Variants in EVC observed in about 807,000 individuals in gnomAD.
EVC encodes the protein EvC ciliary complex subunit 1, also known as evC complex member EVC.
EVC carries 116 observed loss-of-function variants against 118.9 expected under a neutral mutation model. The observed-to-expected ratio is 0.98, with a 90% CI of 0.84 to 1.14. The LOEUF (loss-of-function observed/expected upper bound fraction) is 1.14. EVC is among the 50% of genes most tolerant of loss of function. The pLI, the probability that EVC is intolerant of heterozygous loss-of-function variation, is 0.00. For missense variants in EVC, 1,401 were observed against 1,246.4 expected, an observed-to-expected ratio of 1.12 and a Z score of -1.87; for synonymous variants, 619 against 534.7, an observed-to-expected ratio of 1.16 and a Z score of -2.18.
In EVC at chr4:5,746,642, C is replaced by T. The variant is rs1428554804; in HGVS notation, c.939+1301C>T. ...GGATTCCGGTGGTCCACAGAACCCC[C>T]AACGCTGTGTGCAGTATCTTGTCCA... On this transcript the variant is annotated intron_variant, in intron 7 of 20. Coordinates refer to ENST00000264956, the MANE Select transcript of EVC (RefSeq NM_153717.3). The surrounding 1 kb of genome is among the most constrained non-coding windows in gnomAD (Gnocchi z 5.8). Among the ~76,000 whole-genome samples, 1 of 152,066 alleles carries T rather than the reference C, an allele frequency of 6.6e-6. No individual in the cohort carries two copies. Among genetic ancestry groups the T allele is most frequent in the Non-Finnish European group, 1.5e-5 (1 of 68,022 alleles).
At chr4:5,792,196 A>C (rs994023343) in intron 12 of EVC, among the ~76,000 whole-genome samples, 3 of 152,232 alleles carry the variant, frequency 2.0e-5, no homozygotes, top group Non-Finnish European at 2.9e-5. Flanking sequence ...CCCATTAGTC[A>C]CAATAAATAC....
chr4:5,733,703 C>A (rs750571823), intron 5 of EVC, among the ~76,000 whole-genome samples: 1 of 152,104 alleles, frequency 6.6e-6, no homozygotes, highest in African/African-American at 2.4e-5. Flanking sequence ...GGCTACACCT[C>A]CTGCTGGAGA....
At chr4:5,775,085 T>G (rs1424492478) in intron 11 of EVC, among the ~76,000 whole-genome samples, 1 of 152,098 alleles carries the variant, frequency 6.6e-6, no homozygotes, top group African/African-American at 2.4e-5. Flanking sequence ...ATTTGACCAT[T>G]GTGAACAATA....
intron 11 of EVC, among the ~76,000 whole-genome samples, chr4:5,779,955 T>A (rs1365428997): frequency 2.0e-5 from 3 of 151,670 alleles, no homozygotes; most frequent in African/African-American, 7.3e-5. Flanking sequence ...TTTTGCCCAT[T>A]CAGTGTGATA....
intron 5 of EVC, among the ~76,000 whole-genome samples, chr4:5,734,003 T>C (rs867173144): frequency 6.6e-6 from 1 of 152,102 alleles, no homozygotes. Flanking sequence ...TTCTCTTGAC[T>C]GAATGAACAA....
intron 15 of EVC, among the ~76,000 whole-genome samples, chr4:5,800,970 G>A (rs1714862585): frequency 6.6e-6 from 1 of 152,214 alleles, no homozygotes; most frequent in South Asian, 2.1e-4. Context: ...CCGAAATGGG[G>A]ATGAGCTTTT....
intron 2 of EVC, among the ~76,000 whole-genome samples, chr4:5,724,513 G>C (rs1018995574): frequency 3.3e-5 from 5 of 152,178 alleles, no homozygotes; most frequent in Non-Finnish European, 5.9e-5. Context: ...AGCTAAAGAG[G>C]GCGGACCTGG....
Position 5,742,039 on chromosome 4 carries a change from TCTACTACTCAAAGAC to T in EVC, c.801+226_801+240del, listed in dbSNP as rs1728674019. ...AGCAAAGAGAATAATATTGGTCATA[TCTACTACTCAAAGAC>T]GGTCACTGTTAATGTTTTTTTCTGC... is the stretch of plus-strand genomic sequence containing the variant. On this transcript the variant is annotated intron_variant, in intron 6 of 20. Transcript: ENST00000264956. The surrounding 1 kb of genome is among the most constrained non-coding windows in gnomAD (Gnocchi z 5.2). 6.6e-6 allele frequency among the ~76,000 whole-genome samples: 1 copy of T among 151,754 alleles called. No individual in the cohort carries two copies. Among genetic ancestry groups the T allele is most frequent in the Non-Finnish European group, 1.5e-5 (1 of 67,956 alleles).
At chr4:5,747,878 C>T (rs573586212) in intron 7 of EVC, among the ~76,000 whole-genome samples, 35 of 152,286 alleles carry the variant, frequency 2.3e-4, no homozygotes, top group Non-Finnish European at 4.3e-4. Context: ...GTAGGCTGGA[C>T]AAGCTACTGC....
chr4:5,813,369 ATC>A lies in EVC; in HGVS notation c.*2334_*2335del, dbSNP rs1717209244. The stretch of plus-strand genomic sequence containing the variant: ...GACGTGTGCCACCACGCCTGGCTAA[ATC>A]TTTTTTGTATTTTATTTTAGTAGAG... On this transcript the variant is annotated 3_prime_UTR_variant, in exon 21 of 21. Transcript: ENST00000264956. 6.6e-6 allele frequency: 1 copy of A among 151,930 alleles called. No individual in the cohort carries two copies. The highest frequency in any genetic ancestry group is 1.5e-5 in the Non-Finnish European group (1 of 68,004). The allele number at this position is 151,930 out of a possible 1,614,324, so 9.4% of individuals were successfully genotyped here. A position where few individuals can be genotyped will look rare whatever the true frequency, so the allele number is the denominator to read the frequency against.
At chr4:5,792,274 C>A (rs748931351) in intron 12 of EVC, among the ~76,000 whole-genome samples, 1 of 152,178 alleles carries the variant, frequency 6.6e-6, no homozygotes, top group Non-Finnish European at 1.5e-5. Flanking sequence ...ACAGGAGACA[C>A]AGCTAGATCA....
chr4:5,757,407 C>T (rs949318009), intron 11 of EVC, among the ~76,000 whole-genome samples: 2 of 152,166 alleles, frequency 1.3e-5, no homozygotes, highest in Non-Finnish European at 2.9e-5. Flanking sequence ...ACTCCTCACC[C>T]GGATGGGAGC....
At chr4:5,740,456 C>CT (rs1728349024) in intron 5 of EVC, among the ~76,000 whole-genome samples, 1 of 137,838 alleles carries the variant, frequency 7.3e-6, no homozygotes, top group South Asian at 2.3e-4. Context: ...GGACGACAGA[C>CT]TGATACTCCA....
chr4:5,802,642 C>CAGATA (rs2152364378), intron 16 of EVC, among the ~76,000 whole-genome samples: 1 of 152,304 alleles, frequency 6.6e-6, no homozygotes, highest in East Asian at 1.9e-4. Context: ...GGCACATCAT[C>CAGATA]AGGCATTAGA....
Position 5,733,367 on chromosome 4 carries a change from T to C in EVC, c.634T>C (p.Cys212Arg). ...ATTTTGCAGTGTAGACGTTGACCTGTGTATCTACAGCCTTCACTTAAAAGA... is the reference window on the plus strand; with the variant it reads ...ATTTTGCAGTGTAGACGTTGACCTGCGTATCTACAGCCTTCACTTAAAAGA... ...LACESVDVDLCIYSLHLKDLL... is the reference protein window; with the variant it reads ...LACESVDVDLRIYSLHLKDLL... Residue 212 changes from cysteine (C) to arginine (R), a missense_variant, in exon 5 of 21, where the codon TGT becomes CGT. Physicochemically the swap from Cys to Arg is radical, Grantham distance 180. Transcript: ENST00000264956. 1 of 1,613,974 alleles carries C rather than the reference T, an allele frequency of 6.2e-7. No individual in the cohort carries two copies. Among genetic ancestry groups the C allele is most frequent in the Non-Finnish European group, 8.5e-7 (1 of 1,179,856 alleles).
chr4:5,719,194 T>C lies in EVC; in HGVS notation c.175-54T>C, dbSNP rs1029744705. ...AAGTCACGGTGGGGACCAGGCCGAC[T>C]GACCTCAATGTTGTGTTTCTATCCA... On this transcript the variant is annotated intron_variant, in intron 1 of 20. Coordinates refer to ENST00000264956, the MANE Select transcript of EVC (RefSeq NM_153717.3). This position sits in a 1 kb window ranked among gnomAD's most constrained non-coding sequence, Gnocchi z 4.7. 2 of 1,613,068 alleles carry C rather than the reference T, an allele frequency of 1.2e-6. No homozygotes were observed. Among genetic ancestry groups the C allele is most frequent in the South Asian group, 2.2e-5 (2 of 91,020 alleles).
intron 16 of EVC, 94 bp downstream of exon 16, chr4:5,802,188 AT>A: frequency 6.7e-7 from 1 of 1,483,490 alleles, no homozygotes; most frequent in Non-Finnish European, 9.4e-7. Context: ...TGTGAATTTT[AT>A]TTTTGGGAAT....
chr4:5,733,562 G>C (rs1025261998), intron 5 of EVC, 127 bp downstream of exon 5: 7 of 876,328 alleles, frequency 8.0e-6, no homozygotes, highest in Non-Finnish European at 1.3e-5. Context: ...CCGCTGTGAG[G>C]TGGGGGAAAG....
chr4:5,821,148 T>TCTGCAACCTAGTGCAAGGCTTCC, the EVC span: 2 of 152,636 alleles, frequency 1.3e-5, no homozygotes, highest in Non-Finnish European at 2.9e-5. This position sits in a 1 kb window ranked among gnomAD's most constrained non-coding sequence, Gnocchi z 4.4. Flanking sequence ...AGGATGCTTC[T>TCTGCAACCTAGTGCAAGGCTTCC]CTGCAACCTA....
Sources: allele counts gnomAD v4.1 joint callset (sites outside exome capture counted in the v4.1 genomes callset), GRCh38; gene constraint gnomAD v4.1.1; non-coding constraint Gnocchi (gnomAD v3.1); transcripts MANE v1.5; gene names NCBI Gene and HGNC (gene_info 2026-07-23, HGNC 2026-07-21).